Variants in GPR39 observed in about 807,000 individuals in gnomAD.
The protein encoded by GPR39 is G protein-coupled receptor 39, also known as zinc sensing receptor.
Under a neutral mutation model 18.4 loss-of-function variants are expected in GPR39, and 23 were observed. The ratio of observed to expected loss-of-function variants is 1.25; its 90% CI spans 0.90 to 1.77. The LOEUF (loss-of-function observed/expected upper bound fraction) is 1.77. GPR39 is among the 40% of genes most tolerant of loss of function. The pLI, the probability that GPR39 is intolerant of heterozygous loss-of-function variation, is 0.00. For synonymous variants in GPR39, 280 were observed against 257.9 expected (o/e 1.09, Z -0.82); for missense variants, 647 against 602.4 (o/e 1.07, Z -0.78).
chr2:132,492,458 CATATATACCAT>C (rs1365339029), intron 1 of GPR39, among the ~76,000 whole-genome samples: 5 of 136,084 alleles, frequency 3.7e-5, no homozygotes. Flanking sequence ...ATATACACAC[CATATATACCAT>C]ATATATACAC....
chr2:132,565,219 T>G (rs1017552965), intron 1 of GPR39, among the ~76,000 whole-genome samples: 3 of 151,980 alleles, frequency 2.0e-5, no homozygotes, highest in Admixed American at 1.3e-4. Context: ...CCTATGTGAT[T>G]CCAGTATTTA....
chr2:132,529,701 C>T (rs1003913539), intron 1 of GPR39, among the ~76,000 whole-genome samples: 5 of 152,286 alleles, frequency 3.3e-5, no homozygotes, highest in South Asian at 2.1e-4. Context: ...TCACCAATAT[C>T]GGCTGTTCTG....
intron 1 of GPR39, among the ~76,000 whole-genome samples, chr2:132,500,926 C>T (rs1426568154): frequency 6.6e-6 from 1 of 151,878 alleles, no homozygotes; most frequent in Non-Finnish European, 1.5e-5. Context: ...GTTGTAATAT[C>T]TCTTGTTTTA....
At chr2:132,625,493 A>G (rs1681526097) in intron 1 of GPR39, among the ~76,000 whole-genome samples, 1 of 152,184 alleles carries the variant, frequency 6.6e-6, no homozygotes, top group Non-Finnish European at 1.5e-5. Flanking sequence ...AGATTGGCAA[A>G]CTTGACTTCT....
rs1682028308 is a variant in GPR39, at chr2:132,645,663, A to ACTCT, written c.*59_*62dup. 1 of 1,556,044 alleles carries ACTCT rather than the reference A, an allele frequency of 6.4e-7. No homozygotes were observed. The highest frequency in any genetic ancestry group is 8.7e-7 in the Non-Finnish European group (1 of 1,153,268). ...GGCCCTCCAGCCCTAAGAAAACGTCACTCTCACTCTGCAGTCTCAAACTAT... is the reference window on the plus strand; with the variant it reads ...GGCCCTCCAGCCCTAAGAAAACGTCACTCTCTCTCACTCTGCAGTCTCAAACTAT... On this transcript the variant is annotated 3_prime_UTR_variant, in exon 2 of 2. Coordinates refer to ENST00000329321, the MANE Select transcript of GPR39 (RefSeq NM_001508.3).
intron 1 of GPR39, among the ~76,000 whole-genome samples, chr2:132,525,342 T>C (rs1439934356): frequency 6.6e-6 from 1 of 152,168 alleles, no homozygotes; most frequent in Non-Finnish European, 1.5e-5. Flanking sequence ...TAATGTCTTC[T>C]TTGCAGGCTT....
At chr2:132,503,005 C>T (rs533526256) in intron 1 of GPR39, among the ~76,000 whole-genome samples, 31 of 152,198 alleles carry the variant, frequency 2.0e-4, no homozygotes, top group African/African-American at 6.7e-4. Context: ...TTAAGTTGTA[C>T]TTCATCCTTC....
intron 1 of GPR39, among the ~76,000 whole-genome samples, chr2:132,571,993 G>T: frequency 6.6e-6 from 1 of 152,256 alleles, no homozygotes; most frequent in East Asian, 1.9e-4. Context: ...ACAAAAGCGC[G>T]TGAAGTGTGA....
chr2:132,560,053 G>A (rs983788369), intron 1 of GPR39, among the ~76,000 whole-genome samples: 3 of 152,144 alleles, frequency 2.0e-5, no homozygotes, highest in African/African-American at 7.2e-5. Context: ...AGCATCCATG[G>A]TGCTCCCAGC....
intron 1 of GPR39, among the ~76,000 whole-genome samples, chr2:132,514,493 C>T (rs1316764459): frequency 6.6e-6 from 1 of 152,176 alleles, no homozygotes; most frequent in Non-Finnish European, 1.5e-5. Flanking sequence ...CTCACCCCTC[C>T]TTGAGGTGTG....
intron 1 of GPR39, among the ~76,000 whole-genome samples, chr2:132,505,075 G>A (rs62167451): frequency 0.042 from 6,354 of 152,252 alleles, 303 homozygotes; most frequent in African/African-American, 0.12. Context: ...AATTAAGAAA[G>A]AAAAGGAATT....
intron 1 of GPR39, among the ~76,000 whole-genome samples, chr2:132,477,707 C>G (rs963993038): frequency 3.9e-5 from 6 of 152,180 alleles, no homozygotes; most frequent in Admixed American, 3.9e-4. Flanking sequence ...TCAACAGAGA[C>G]CATATGGCCT....
intron 1 of GPR39, among the ~76,000 whole-genome samples, chr2:132,629,254 C>A (rs920467105): frequency 6.6e-6 from 1 of 152,188 alleles, no homozygotes; most frequent in Non-Finnish European, 1.5e-5. Context: ...AAGCCACATG[C>A]CATCTGGATG....
At chr2:132,591,134 C>T (rs1001801534) in intron 1 of GPR39, among the ~76,000 whole-genome samples, 1 of 150,590 alleles carries the variant, frequency 6.6e-6, no homozygotes, top group African/African-American at 2.4e-5. Flanking sequence ...GCCTGTAGTC[C>T]CAGCTACTCG....
At chr2:132,611,270 T>G (rs1438646621) in intron 1 of GPR39, among the ~76,000 whole-genome samples, 1 of 152,256 alleles carries the variant, frequency 6.6e-6, no homozygotes, top group African/African-American at 2.4e-5. Flanking sequence ...GAAGAAGGAC[T>G]GGCTTCTAGA....
At chr2:132,524,147 C>T (rs914143069) in intron 1 of GPR39, among the ~76,000 whole-genome samples, 1 of 152,198 alleles carries the variant, frequency 6.6e-6, no homozygotes, top group African/African-American at 2.4e-5. Flanking sequence ...GTCACAGTGG[C>T]CACTGCTGTG....
At chr2:132,493,201 A>G (rs977652919) in intron 1 of GPR39, among the ~76,000 whole-genome samples, 3 of 141,860 alleles carry the variant, frequency 2.1e-5, no homozygotes, top group African/African-American at 8.2e-5. Flanking sequence ...TACACCATAT[A>G]TACACCATAT....
At chr2:132,611,873 G>C (rs962692317) in intron 1 of GPR39, among the ~76,000 whole-genome samples, 4 of 152,184 alleles carry the variant, frequency 2.6e-5, no homozygotes, top group African/African-American at 9.7e-5. Flanking sequence ...AATGCAGTTA[G>C]TGAAGTGTTA....
chr2:132,598,393 CA>C (rs1394114369), intron 1 of GPR39, among the ~76,000 whole-genome samples: 27 of 145,318 alleles, frequency 1.9e-4, no homozygotes, highest in Admixed American at 5.5e-4. Context: ...TAATGATGCC[CA>C]TGTCCAAAGC....
Sources: gnomAD v4.1 joint callset for allele counts (sites outside exome capture counted in the v4.1 genomes callset) on GRCh38, gnomAD v4.1.1 for gene constraint, MANE v1.5 for transcripts, NCBI Gene and HGNC (gene_info 2026-07-23, HGNC 2026-07-21) for gene names.